ZNF385D: variants seen among roughly 807,000 people sequenced by gnomAD.
ZNF385D encodes zinc finger protein 385D, also known as zinc finger protein 659.
A neutral mutation model predicts 35.8 loss-of-function variants in ZNF385D; 15 were observed. That is an observed-to-expected ratio of 0.42 (90% CI 0.28 to 0.64). ZNF385D has a LOEUF of 0.64. Ranked by LOEUF, ZNF385D falls within the 30% of genes least tolerant of loss-of-function variation. The probability of loss-of-function intolerance (pLI) is 0.23; values close to 1 mark genes in which losing one functional copy is unlikely to be tolerated. For missense variants in ZNF385D, 474 were observed against 494.6 expected (o/e 0.96, Z 0.39); for synonymous variants, 212 against 186.8 (o/e 1.13, Z -1.10).
At chr3:22,256,162 CAT>C (rs1051594854) in intron 2 of ZNF385D, among the ~76,000 whole-genome samples, 4 of 150,588 alleles carry the variant, frequency 2.7e-5, no homozygotes, top group African/African-American at 9.8e-5. Context: ...TGTTCGTCAG[CAT>C]ATATATACAT....
At chr3:21,782,254 G>A (rs1272881850) in intron 3 of ZNF385D, among the ~76,000 whole-genome samples, 1 of 152,054 alleles carries the variant, frequency 6.6e-6, no homozygotes, top group Non-Finnish European at 1.5e-5. Context: ...AGTAGTGCCG[G>A]CCAAGTGGAG....
At chr3:22,297,377 T>G (rs1270253064) in intron 2 of ZNF385D, among the ~76,000 whole-genome samples, 1 of 152,110 alleles carries the variant, frequency 6.6e-6, no homozygotes, top group African/African-American at 2.4e-5. Flanking sequence ...GAGGACAGCC[T>G]AGGGAAAGGA....
At chr3:22,094,478 T>C (rs1249057432) in intron 3 of ZNF385D, among the ~76,000 whole-genome samples, 1 of 132,894 alleles carries the variant, frequency 7.5e-6, no homozygotes, top group Non-Finnish European at 1.7e-5. Flanking sequence ...TGCCAGACAT[T>C]GATTGAGGGT....
chr3:21,694,184 C>G (rs937985763), intron 1 of ZNF385D, among the ~76,000 whole-genome samples: 3 of 151,590 alleles, frequency 2.0e-5, no homozygotes, highest in Non-Finnish European at 4.4e-5. Flanking sequence ...GCTGGGACTA[C>G]AGGCGCCCGC....
chr3:21,851,053 A>G (rs1559689822), intron 3 of ZNF385D, among the ~76,000 whole-genome samples: 1 of 152,064 alleles, frequency 6.6e-6, no homozygotes, highest in Non-Finnish European at 1.5e-5. Context: ...GATAAAATCA[A>G]AGGACAAGGA....
intron 1 of ZNF385D, among the ~76,000 whole-genome samples, chr3:21,686,324 T>C (rs2125329333): frequency 6.6e-6 from 1 of 152,226 alleles, no homozygotes; most frequent in East Asian, 1.9e-4. Flanking sequence ...TATGCGTAGG[T>C]ATAAAAAGAT....
intron 1 of ZNF385D, among the ~76,000 whole-genome samples, chr3:21,722,656 C>T (rs539961544): frequency 4.2e-4 from 64 of 152,346 alleles, no homozygotes; most frequent in African/African-American, 1.4e-3. Context: ...TCACACCTCA[C>T]ATTCTCTCTG....
chr3:22,201,244 C>T (rs950390987), intron 2 of ZNF385D, among the ~76,000 whole-genome samples: 12 of 152,084 alleles, frequency 7.9e-5, no homozygotes, highest in African/African-American at 1.9e-4. Flanking sequence ...GTTCTTCTGC[C>T]GTGGCTTCAG....
chr3:21,599,575 T>C (rs948149521), intron 2 of ZNF385D, among the ~76,000 whole-genome samples: 12 of 152,202 alleles, frequency 7.9e-5, no homozygotes, highest in Non-Finnish European at 1.6e-4. Flanking sequence ...AGTTTGGTGT[T>C]ATTCTTCCTG....
chr3:21,840,022 T>A lies in ZNF385D; in HGVS notation c.326-174994A>T, dbSNP rs9850513. 2.2e-3 allele frequency among the ~76,000 whole-genome samples: 336 copies of A among 152,212 alleles called. 4 individuals are homozygous for A. The highest frequency in any genetic ancestry group is 7.9e-3 in the African/African-American group (328 of 41,558). On this transcript the variant is annotated intron_variant, in intron 3 of 5. Transcript: ENST00000494108. ...ATTTAGGTAATTATTTTTCAACGTT[T>A]TTGGGTGTGAGGACCCTGTTATAAG... is the stretch of plus-strand genomic sequence containing the variant.
In ZNF385D at chr3:21,844,423, T is replaced by A. The variant is rs548925231; in HGVS notation, c.326-179395A>T. Among the ~76,000 whole-genome samples, 26 of 143,764 alleles carry A rather than the reference T, an allele frequency of 1.8e-4. No individual in the cohort carries two copies. In the East Asian group the frequency reaches 4.9e-3, roughly 27 times the overall value. The allele number at this position is 143,764 out of a possible 152,430, so 94.3% of individuals were successfully genotyped here. A position where few individuals can be genotyped will look rare whatever the true frequency, so the allele number is the denominator to read the frequency against. ...GATTTTGATGATTAGCCATTATAGA[T>A]GGTGCTTTCTTGGGGATTTTGATAG... On this transcript the variant is annotated intron_variant, in intron 3 of 5. Coordinates refer to the ZNF385D transcript ENST00000494108.
intron 3 of ZNF385D, among the ~76,000 whole-genome samples, chr3:21,848,984 T>G (rs1175980296): frequency 6.6e-6 from 1 of 152,106 alleles, no homozygotes; most frequent in East Asian, 1.9e-4. Context: ...TACTTAAACC[T>G]ATTTGAGACT....
intron 2 of ZNF385D, among the ~76,000 whole-genome samples, chr3:21,612,664 A>G (rs147083532): frequency 1.6e-4 from 25 of 152,346 alleles, no homozygotes; most frequent in African/African-American, 5.8e-4. Context: ...GCATTTTGAA[A>G]GAGAAACCAT....
At chr3:22,150,342 T>C (rs1292325697) in intron 3 of ZNF385D, among the ~76,000 whole-genome samples, 1 of 152,124 alleles carries the variant, frequency 6.6e-6, no homozygotes, top group Non-Finnish European at 1.5e-5. Flanking sequence ...ATGAATAGTT[T>C]TGCTTTATTT....
intron 3 of ZNF385D, among the ~76,000 whole-genome samples, chr3:22,039,091 A>G (rs1484821575): frequency 6.6e-6 from 1 of 151,828 alleles, no homozygotes; most frequent in African/African-American, 2.4e-5. Context: ...AACGATCCCT[A>G]TGCAGACCAT....
At chr3:21,953,517 T>G (rs1265887058) in intron 3 of ZNF385D, among the ~76,000 whole-genome samples, 4 of 152,044 alleles carry the variant, frequency 2.6e-5, no homozygotes, top group Admixed American at 2.0e-4. Flanking sequence ...AAGAAAAGTT[T>G]TATCAAATGG....
At chr3:21,711,733 G>T (rs548293024) in intron 1 of ZNF385D, among the ~76,000 whole-genome samples, 1 of 152,244 alleles carries the variant, frequency 6.6e-6, no homozygotes, top group African/African-American at 2.4e-5. Flanking sequence ...GATATTAACA[G>T]GAAATAAACA....
chr3:21,531,361 A>C (rs1457134777), intron 3 of ZNF385D, among the ~76,000 whole-genome samples: 1 of 152,176 alleles, frequency 6.6e-6, no homozygotes, highest in Non-Finnish European at 1.5e-5. Context: ...TTCTTACAAA[A>C]CTAAACATAC....
intron 2 of ZNF385D, among the ~76,000 whole-genome samples, chr3:22,353,103 C>T (rs893512211): frequency 4.6e-5 from 7 of 152,286 alleles, no homozygotes; most frequent in East Asian, 1.9e-4. Context: ...AAGGAAGCTG[C>T]GTTTGTTACA....
Sources: allele counts gnomAD v4.1 joint callset (sites outside exome capture counted in the v4.1 genomes callset), GRCh38; gene constraint gnomAD v4.1.1; transcripts MANE v1.5; gene names NCBI Gene and HGNC (gene_info 2026-07-23, HGNC 2026-07-21).